The following RFTN1 variants were observed in gnomAD, a reference collection of about 807,000 sequenced individuals.
RFTN1 encodes raftlin.
In RFTN1, 26 loss-of-function variants were observed where a neutral mutation model predicts 46.5. The observed-to-expected ratio is 0.56, with a 90% CI of 0.41 to 0.78. RFTN1 has a LOEUF of 0.78. Ranked by LOEUF, RFTN1 falls within the 30% of genes least tolerant of loss-of-function variation. The probability of loss-of-function intolerance (pLI) is 0.00; values close to 1 mark genes in which losing one functional copy is unlikely to be tolerated. For synonymous variants in RFTN1, 261 were observed against 284.2 expected (o/e 0.92, Z 0.82); for missense variants, 693 against 718.7 (o/e 0.96, Z 0.41).
rs1575190490 is a variant in RFTN1, at chr3:16,383,397, C to T, written c.442-5295G>A. On this transcript the variant is annotated intron_variant, in intron 4 of 9. Transcript: ENST00000334133. This position sits in a 1 kb window ranked among gnomAD's most constrained non-coding sequence, Gnocchi z 4.0. ...GTTTTGACTAATCCACAACTTCACT[C>T]AGTTGCTCTATAATAAGTAAGGACA... Among the ~76,000 whole-genome samples the T allele has an allele frequency of 6.6e-6, 1 of 152,182 alleles. No individual in the cohort carries two copies.
intron 6 of RFTN1, among the ~76,000 whole-genome samples, chr3:16,364,344 G>A (rs1166001421): frequency 6.6e-6 from 1 of 152,196 alleles, no homozygotes; most frequent in Non-Finnish European, 1.5e-5. Flanking sequence ...TAAATGATTA[G>A]TCCATGTTCA....
rs1049354797 is a variant in RFTN1 at position 16,338,922 on chromosome 3, C to G, written c.1147-12046G>C. On this transcript the variant is annotated intron_variant, in intron 7 of 9. Transcript: ENST00000334133. The surrounding 1 kb of genome is among the most constrained non-coding windows in gnomAD (Gnocchi z 5.3). The stretch of plus-strand genomic sequence containing the variant: ...TGTCAACGTTGTCCCCTCCACCTGT[C>G]AGCAGTGGATTCCTAACAGCTTACT... 6.6e-6 allele frequency among the ~76,000 whole-genome samples: 1 copy of G among 152,226 alleles called. No individual in the cohort carries two copies. The highest frequency in any genetic ancestry group is 1.5e-5 in the Non-Finnish European group (1 of 68,040).
chr3:16,319,858 AC>A (rs1301364031), intron 9 of RFTN1, among the ~76,000 whole-genome samples: 1 of 152,210 alleles, frequency 6.6e-6, no homozygotes, highest in African/African-American at 2.4e-5. Flanking sequence ...CATCCACACC[AC>A]TTAAAGGCAG....
chr3:16,490,807 A>G (rs2076528882), intron 2 of RFTN1, among the ~76,000 whole-genome samples: 1 of 152,246 alleles, frequency 6.6e-6, no homozygotes, highest in African/African-American at 2.4e-5. Flanking sequence ...TAAATCATAT[A>G]TAGCCATTAA....
intron 2 of RFTN1, among the ~76,000 whole-genome samples, chr3:16,472,889 G>A (rs1416814763): frequency 1.3e-5 from 2 of 152,124 alleles, no homozygotes; most frequent in Non-Finnish European, 2.9e-5. Flanking sequence ...CAAGAACTCT[G>A]GATTCTTCCA....
chr3:16,319,635 A>G (rs778045936), intron 9 of RFTN1, among the ~76,000 whole-genome samples: 10 of 152,214 alleles, frequency 6.6e-5, no homozygotes, highest in Non-Finnish European at 1.0e-4. Flanking sequence ...GAGCTTCCAT[A>G]GTTTCCCCTG....
At chr3:16,408,291 T>C (rs1165635240) in intron 4 of RFTN1, among the ~76,000 whole-genome samples, 1 of 152,142 alleles carries the variant, frequency 6.6e-6, no homozygotes, top group Non-Finnish European at 1.5e-5. Context: ...CCCTTGCTCC[T>C]CAGCCCCGGC....
In RFTN1 at chr3:16,345,788, C is replaced by CTGTCTGTGTGTGTGTGTGTG. The variant is rs765619275; in HGVS notation, c.1146+12143_1146+12144insCACACACACACACACAGACA. On this transcript the variant is annotated intron_variant, in intron 7 of 9. Coordinates refer to ENST00000334133, the MANE Select transcript of RFTN1 (RefSeq NM_015150.2). The surrounding 1 kb of genome is among the most constrained non-coding windows in gnomAD (Gnocchi z 5.2). ...TGAGCCAAAACCTTATAATAAATCT[C>CTGTCTGTGTGTGTGTGTGTG]TGTGTGTGTGTGTGTGTGTGTGTGT... Among the ~76,000 whole-genome samples the CTGTCTGTGTGTGTGTGTGTG allele has an allele frequency of 1.2e-4, 15 of 127,170 alleles. No homozygotes were observed. The highest frequency in any genetic ancestry group is 2.4e-4 in the African/African-American group (8 of 33,030). 83.4% of individuals were successfully genotyped at this position (127,170 alleles called of 152,430 possible). A position where few individuals can be genotyped will look rare whatever the true frequency, so the allele number is the denominator to read the frequency against.
In RFTN1 at chr3:16,337,887, CT is replaced by C. The variant is rs2071016648; in HGVS notation, c.1147-11012del. ...GCCCTTATTTGCTCCAGGCCGGACA[CT>C]TTGGCCTTGCATTACCTCTGGAGCC... On this transcript the variant is annotated intron_variant, in intron 7 of 9. Transcript: ENST00000334133. This position sits in a 1 kb window ranked among gnomAD's most constrained non-coding sequence, Gnocchi z 5.0. 6.6e-6 allele frequency among the ~76,000 whole-genome samples: 1 copy of C among 152,178 alleles called. No homozygotes were observed. Among genetic ancestry groups the C allele is most frequent in the African/African-American group, 2.4e-5 (1 of 41,434 alleles).
Position 16,357,946 on chromosome 3 carries a change from A to G in RFTN1, c.1132T>C (p.Trp378Arg). Residue 378 changes from tryptophan to arginine, a missense_variant, in exon 7 of 10, where the codon TGG becomes CGG. Coordinates refer to ENST00000334133, the MANE Select transcript of RFTN1 (RefSeq NM_015150.2). ...QGYDAIVVEQ[W>R]TVLEGVEVQT... is the part of the protein sequence containing the mutation. ...CCCACACTTACTTCCAGGACTGTCC[A>G]TTGTTCAACCACAATAGCATCATAG... The G allele has an allele frequency of 6.2e-7, 1 of 1,608,346 alleles. No homozygotes were observed. The highest frequency in any genetic ancestry group is 8.5e-7 in the Non-Finnish European group (1 of 1,175,980).
rs1251289909 is a variant in RFTN1 at position 16,385,453 on chromosome 3, G to A, written c.442-7351C>T. On this transcript the variant is annotated intron_variant, in intron 4 of 9. Transcript: ENST00000334133. This position sits in a 1 kb window ranked among gnomAD's most constrained non-coding sequence, Gnocchi z 5.0. ...TGGTTTTCTCATTTAGCGACTGAGAGGTCTTAGAATCTGCCCTTGGACAAA... is the reference window on the plus strand; with the variant it reads ...TGGTTTTCTCATTTAGCGACTGAGAAGTCTTAGAATCTGCCCTTGGACAAA... Among the ~76,000 whole-genome samples the A allele has an allele frequency of 2.6e-5, 4 of 152,166 alleles. No homozygotes were observed. Among genetic ancestry groups the A allele is most frequent in the Non-Finnish European group, 5.9e-5 (4 of 68,040 alleles).
At chr3:16,343,150 T>G (rs1249658960) in intron 7 of RFTN1, among the ~76,000 whole-genome samples, 2 of 152,214 alleles carry the variant, frequency 1.3e-5, no homozygotes, top group African/African-American at 4.8e-5. Flanking sequence ...AGAATGTGAA[T>G]TTTTAATAAG....
chr3:16,416,934 T>G (rs937785381), intron 3 of RFTN1, among the ~76,000 whole-genome samples: 7 of 152,152 alleles, frequency 4.6e-5, no homozygotes, highest in African/African-American at 1.4e-4. Context: ...AGTGTACAAT[T>G]CAGTGGCGTT....
rs1241662102 is a variant in RFTN1 at position 16,335,683 on chromosome 3, C to T, written c.1147-8807G>A. Among the ~76,000 whole-genome samples the T allele has an allele frequency of 6.6e-6, 1 of 151,472 alleles. No individual in the cohort carries two copies. Among genetic ancestry groups the T allele is most frequent in the East Asian group, 1.9e-4 (1 of 5,164 alleles). On this transcript the variant is annotated intron_variant, in intron 7 of 9. Transcript: ENST00000334133. This position sits in a 1 kb window ranked among gnomAD's most constrained non-coding sequence, Gnocchi z 4.7. ...TAGCTAATGGATGCTGGGCTTCATA[C>T]CTAGGTGATAGCCTGATCTGAGCAG... is the stretch of plus-strand genomic sequence containing the variant.
At position 16,450,797 on chromosome 3, in the gene RFTN1, A is replaced by G. The variant is rs562170960; in HGVS notation, c.146-16760T>C. 6.6e-6 allele frequency among the ~76,000 whole-genome samples: 1 copy of G among 151,224 alleles called. No homozygotes were observed. The highest frequency in any genetic ancestry group is 1.5e-5 in the Non-Finnish European group (1 of 67,816). On this transcript the variant is annotated intron_variant, in intron 2 of 9. Transcript: ENST00000334133. This position sits in a 1 kb window ranked among gnomAD's most constrained non-coding sequence, Gnocchi z 4.6. ...TCTTTCTTTCTTTTTTTTTTCCATC[A>G]TAAGAAAACAAAGCCAAAGAGATGG...
intron 6 of RFTN1, among the ~76,000 whole-genome samples, chr3:16,360,490 A>C (rs2072760899): frequency 6.6e-6 from 1 of 152,360 alleles, no homozygotes; most frequent in South Asian, 2.1e-4. Context: ...TTGAAAAGAA[A>C]ATTTTCACTG....
At position 16,384,514 on chromosome 3, in the gene RFTN1, G is replaced by A. The variant is rs1019328257; in HGVS notation, c.442-6412C>T. 1.3e-5 allele frequency among the ~76,000 whole-genome samples: 2 copies of A among 152,182 alleles called. No individual in the cohort carries two copies. Among genetic ancestry groups the A allele is most frequent in the Non-Finnish European group, 2.9e-5 (2 of 68,026 alleles). ...GGCAGGGAGGCTTTCAGCCATCACT[G>A]TTGCCCAGGTAAAGGAAATTTCCCC... On this transcript the variant is annotated intron_variant, in intron 4 of 9. Coordinates refer to ENST00000334133, the MANE Select transcript of RFTN1 (RefSeq NM_015150.2). This position sits in a 1 kb window ranked among gnomAD's most constrained non-coding sequence, Gnocchi z 4.7.
chr3:16,380,292 C>T lies in RFTN1; in HGVS notation c.442-2190G>A, dbSNP rs2073941675. Reference sequence around the variant, plus strand: ...GCACTGAAACTTAGTTTAGACATTACATATGGCAAGTGCGCCAAAGGATGG... The same window carrying T: ...GCACTGAAACTTAGTTTAGACATTATATATGGCAAGTGCGCCAAAGGATGG... On this transcript the variant is annotated intron_variant, in intron 4 of 9. Transcript: ENST00000334133. This position sits in a 1 kb window ranked among gnomAD's most constrained non-coding sequence, Gnocchi z 4.8. 6.6e-6 allele frequency among the ~76,000 whole-genome samples: 1 copy of T among 152,236 alleles called. No homozygotes were observed. The highest frequency in any genetic ancestry group is 6.5e-5 in the Admixed American group (1 of 15,284).
intron 1 of RFTN1, among the ~76,000 whole-genome samples, chr3:16,497,337 C>G (rs78669684): frequency 2.6e-5 from 4 of 152,232 alleles, no homozygotes; most frequent in African/African-American, 9.6e-5. Context: ...CTCAATTCTT[C>G]TGAATAAAAA....
Sources: gnomAD v4.1 joint callset for allele counts (sites outside exome capture counted in the v4.1 genomes callset) on GRCh38, gnomAD v4.1.1 for gene constraint, Gnocchi (gnomAD v3.1) non-coding constraint, MANE v1.5 for transcripts, NCBI Gene and HGNC (gene_info 2026-07-23, HGNC 2026-07-21) for gene names.